ANKRD28: variants seen among roughly 807,000 people sequenced by gnomAD.
The protein encoded by ANKRD28 is ankyrin repeat domain 28, also known as serine/threonine-protein phosphatase 6 regulatory ankyrin repeat subunit A.
ANKRD28 carries 44 observed loss-of-function variants against 126.5 expected under a neutral mutation model. The ratio of observed to expected loss-of-function variants is 0.35; its 90% CI spans 0.27 to 0.45. The LOEUF is 0.45. ANKRD28 is among the 20% of genes least tolerant of loss of function. The pLI is 1.00. For synonymous variants in ANKRD28, 442 were observed against 468.5 expected, an observed-to-expected ratio of 0.94 and a Z score of 0.73; for missense variants, 1,110 against 1,316.6, an observed-to-expected ratio of 0.84 and a Z score of 2.43.
At chr3:15,802,495 G>C (rs1040628620), upstream of ANKRD28, among the ~76,000 whole-genome samples, 9 of 152,160 alleles carry the variant, frequency 5.9e-5, no homozygotes, top group African/African-American at 1.7e-4. Flanking sequence ...AATTATCTAT[G>C]AGTGGACATA....
rs2060862574 is a variant in ANKRD28, at chr3:15,817,801, A to G, written c.28-22495T>C. ...GAGCACTGCCATAAGGGTAGAAGGA[A>G]TAAGGGATATATAGTTTGGAAGGGA... On this transcript the variant is annotated intron_variant, in intron 1 of 27. Transcript: ENST00000399451. The surrounding 1 kb of genome is among the most constrained non-coding windows in gnomAD (Gnocchi z 4.5). Among the ~76,000 whole-genome samples, 1 of 152,170 alleles carries G rather than the reference A, an allele frequency of 6.6e-6. No homozygotes were observed. Among genetic ancestry groups the G allele is most frequent in the Non-Finnish European group, 1.5e-5 (1 of 68,026 alleles).
intron 17 of ANKRD28, 39 bp downstream of exon 17, chr3:15,694,700 A>G: frequency 6.4e-7 from 1 of 1,562,480 alleles, no homozygotes; most frequent in Non-Finnish European, 8.8e-7. Context: ...TTTTCAGTAA[A>G]CCAGCAGCCA....
At chr3:15,848,199 AAAAC>A (rs2061566398) in intron 1 of ANKRD28, among the ~76,000 whole-genome samples, 1 of 152,264 alleles carries the variant, frequency 6.6e-6, no homozygotes. Context: ...GTGAAAACTC[AAAAC>A]CAGAACCACA....
At chr3:15,841,682 G>C (rs568520354) in intron 1 of ANKRD28, among the ~76,000 whole-genome samples, 1 of 152,114 alleles carries the variant, frequency 6.6e-6, no homozygotes, top group Non-Finnish European at 1.5e-5. Flanking sequence ...ACATGAAAAG[G>C]GTCTCGGCAT....
Position 15,814,586 on chromosome 3 carries a change from A to G in ANKRD28, c.28-19280T>C, listed in dbSNP as rs577337096. ...ACTTAAAAAGTGGTGTTTGTTTCTTAGAATTCCTAGCAACAAGTCATTCTC... is the reference window on the plus strand; with the variant it reads ...ACTTAAAAAGTGGTGTTTGTTTCTTGGAATTCCTAGCAACAAGTCATTCTC... On this transcript the variant is annotated intron_variant, in intron 1 of 27. Transcript: ENST00000399451. This position sits in a 1 kb window ranked among gnomAD's most constrained non-coding sequence, Gnocchi z 4.7. 1.3e-5 allele frequency among the ~76,000 whole-genome samples: 2 copies of G among 152,216 alleles called. No individual in the cohort carries two copies. Among genetic ancestry groups the G allele is most frequent in the African/African-American group, 4.8e-5 (2 of 41,564 alleles).
chr3:15,775,477 G>A (rs2059219738), intron 2 of ANKRD28, among the ~76,000 whole-genome samples: 1 of 152,138 alleles, frequency 6.6e-6, no homozygotes, highest in Non-Finnish European at 1.5e-5. Context: ...CAAAGTGAGT[G>A]CTCAGTCCCA....
intron 18 of ANKRD28, among the ~76,000 whole-genome samples, chr3:15,689,461 G>T (rs768295926): frequency 6.6e-6 from 1 of 152,188 alleles, no homozygotes; most frequent in Non-Finnish European, 1.5e-5. Context: ...ATTGCAGAAG[G>T]TATCAGCAAG....
Position 15,815,430 on chromosome 3 carries a change from G to A in ANKRD28, c.28-20124C>T, listed in dbSNP as rs1357005341. 6.6e-6 allele frequency among the ~76,000 whole-genome samples: 1 copy of A among 152,068 alleles called. No individual in the cohort carries two copies. The highest frequency in any genetic ancestry group is 1.9e-4 in the East Asian group (1 of 5,196). On this transcript the variant is annotated intron_variant, in intron 1 of 27. Transcript: ENST00000399451. This position sits in a 1 kb window ranked among gnomAD's most constrained non-coding sequence, Gnocchi z 4.1. ...TCCCACCTCAGCCTCCTCAGTAGCT[G>A]CGACCACAGGCATGCATAACCTCAC...
intron 21 of ANKRD28, among the ~76,000 whole-genome samples, chr3:15,683,104 G>C (rs190321388): frequency 6.6e-6 from 1 of 152,280 alleles, no homozygotes; most frequent in Admixed American, 6.5e-5. Context: ...CCAAAGGACA[G>C]TTACAGCAGT....
chr3:15,763,369 A>C (rs2058588833), intron 3 of ANKRD28, among the ~76,000 whole-genome samples: 1 of 152,250 alleles, frequency 6.6e-6, no homozygotes, highest in Non-Finnish European at 1.5e-5. Flanking sequence ...TGAAAAGGAG[A>C]CACAGTCTAA....
At chr3:15,796,215 C>T (rs1400028211) in intron 1 of ANKRD28, among the ~76,000 whole-genome samples, 190 bp downstream of exon 1, 2 of 152,052 alleles carry the variant, frequency 1.3e-5, no homozygotes, top group African/African-American at 4.8e-5. Flanking sequence ...GAAATGTTAT[C>T]TCAGCATTCA....
intron 13 of ANKRD28, among the ~76,000 whole-genome samples, chr3:15,709,221 T>C (rs1252659331): frequency 2.0e-5 from 3 of 152,166 alleles, no homozygotes; most frequent in African/African-American, 7.2e-5. Context: ...ATTACACATA[T>C]ATATTTATAA....
intron 27 of ANKRD28, among the ~76,000 whole-genome samples, chr3:15,671,224 C>A (rs977980509): frequency 6.6e-6 from 1 of 152,110 alleles, no homozygotes; most frequent in South Asian, 2.1e-4. Context: ...AAGCGGAAGA[C>A]AACTGACCTT....
upstream of ANKRD28, among the ~76,000 whole-genome samples, chr3:15,801,767 G>A (rs7624256): frequency 0.72 from 109,978 of 152,022 alleles, 39,996 homozygotes; most frequent in East Asian, 0.93. This position sits in a 1 kb window ranked among gnomAD's most constrained non-coding sequence, Gnocchi z 4.9. Flanking sequence ...AAGTCACTAG[G>A]TATTCAAAAC....
At chr3:15,747,501 T>C (rs2057555737) in intron 4 of ANKRD28, among the ~76,000 whole-genome samples, 1 of 152,186 alleles carries the variant, frequency 6.6e-6, no homozygotes, top group Non-Finnish European at 1.5e-5. Flanking sequence ...TTTGCATGGT[T>C]TTGTGGCTTC....
At position 15,720,987 on chromosome 3, in the gene ANKRD28, A is replaced by G. The variant is rs892257386; in HGVS notation, c.924T>C (p.Phe308=). The G allele has an allele frequency of 1.9e-6, 3 of 1,613,844 alleles. No individual in the cohort carries two copies. The highest frequency in any genetic ancestry group is 2.7e-5 in the African/African-American group (2 of 74,938). ...KNEKGFTPLH[F]AAASTHGALC... is the part of the protein sequence containing the mutation. ...ATGCTCCATGTGTTGATGCAGCAGCAAAGTGCAAAGGAGTAAATCCTTTTT... is the reference window on the plus strand; with the variant it reads ...ATGCTCCATGTGTTGATGCAGCAGCGAAGTGCAAAGGAGTAAATCCTTTTT... Residue 308 remains phenylalanine, a synonymous_variant, in exon 8 of 28, where the codon TTT becomes TTC. Transcript: ENST00000683139.
At chr3:15,715,936 G>A (rs777153142) in intron 8 of ANKRD28, among the ~76,000 whole-genome samples, 13 of 151,238 alleles carry the variant, frequency 8.6e-5, no homozygotes, top group Middle Eastern at 3.2e-3. Flanking sequence ...AAATGTTCCA[G>A]ATAGGATATA....
chr3:15,837,043 T>C (rs926141421), intron 1 of ANKRD28, among the ~76,000 whole-genome samples: 7 of 145,064 alleles, frequency 4.8e-5, no homozygotes, highest in African/African-American at 1.8e-4. Flanking sequence ...GAGCTTGCAG[T>C]GAGCCGAGGT....
chr3:15,704,534 G>A (rs1016508887), intron 14 of ANKRD28, among the ~76,000 whole-genome samples: 2 of 152,068 alleles, frequency 1.3e-5, no homozygotes, highest in East Asian at 1.9e-4. Context: ...ATAAGCAAAT[G>A]TACATTACTG....
Sources: gnomAD v4.1 joint callset for allele counts (sites outside exome capture counted in the v4.1 genomes callset) on GRCh38, gnomAD v4.1.1 for gene constraint, Gnocchi (gnomAD v3.1) non-coding constraint, MANE v1.5 for transcripts, NCBI Gene and HGNC (gene_info 2026-07-23, HGNC 2026-07-21) for gene names.